The following RABGAP1L variants were observed in gnomAD, a reference collection of about 807,000 sequenced individuals.
RABGAP1L encodes the protein rab GTPase-activating protein 1-like.
RABGAP1L carries 63 observed loss-of-function variants against 137.7 expected under a neutral mutation model. The observed-to-expected ratio is 0.46, with a 90% CI of 0.37 to 0.56. The LOEUF (loss-of-function observed/expected upper bound fraction) is 0.56. Ranked by LOEUF, RABGAP1L falls within the 20% of genes least tolerant of loss-of-function variation. RABGAP1L has a pLI of 0.00. For synonymous variants in RABGAP1L, 431 were observed against 433.7 expected (o/e 0.99, Z 0.08); for missense variants, 1,095 against 1,244.0 (o/e 0.88, Z 1.80).
chr1:174,608,113 G>C (rs572967019), intron 13 of RABGAP1L, among the ~76,000 whole-genome samples: 1 of 152,170 alleles, frequency 6.6e-6, no homozygotes, highest in Non-Finnish European at 1.5e-5. Context: ...GCAGATGTGA[G>C]TGCCCAACAA....
In RABGAP1L at chr1:174,231,171, C is replaced by T; in HGVS notation, c.358C>T (p.Pro120Ser). Residue 120 changes from proline (P) to serine (S), a missense_variant, in exon 4 of 26, where the codon CCA becomes TCA. Transcript: ENST00000681986. ...TEISTPRPSS[P>S]GGLPEEDSVL... is the part of the protein sequence containing the mutation. Reference sequence around the variant, plus strand: ...AATTTCTACACCCAGACCATCTTCTCCAGGTGGACTACCTGAAGAAGATAG... The same window carrying T: ...AATTTCTACACCCAGACCATCTTCTTCAGGTGGACTACCTGAAGAAGATAG... 2 of 1,612,652 alleles carry T rather than the reference C, an allele frequency of 1.2e-6. No homozygotes were observed. Among genetic ancestry groups the T allele is most frequent in the Non-Finnish European group, 1.7e-6 (2 of 1,179,198 alleles).
intron 19 of RABGAP1L, among the ~76,000 whole-genome samples, chr1:174,957,072 A>G (rs1000064940): frequency 2.6e-5 from 4 of 152,250 alleles, no homozygotes; most frequent in African/African-American, 9.6e-5. Context: ...GCACTATTAA[A>G]TACATTAACA....
intron 17 of RABGAP1L, among the ~76,000 whole-genome samples, chr1:174,715,863 T>G (rs1338780852): frequency 6.6e-6 from 1 of 152,198 alleles, no homozygotes; most frequent in Non-Finnish European, 1.5e-5. Flanking sequence ...TTAAATTCCT[T>G]CACCTGATGC....
intron 1 of RABGAP1L, among the ~76,000 whole-genome samples, chr1:174,178,877 A>G (rs1404851833): frequency 1.3e-5 from 2 of 152,160 alleles, no homozygotes; most frequent in Non-Finnish European, 2.9e-5. Context: ...AAAACAGGTA[A>G]TGCATGCAGG....
At chr1:174,421,069 C>A (rs980814007) in intron 13 of RABGAP1L, among the ~76,000 whole-genome samples, 1 of 152,134 alleles carries the variant, frequency 6.6e-6, no homozygotes, top group South Asian at 2.1e-4. Flanking sequence ...GCAAATTTTA[C>A]AAAAGTATAT....
rs1359967258 is a variant in RABGAP1L, at chr1:174,572,102, G to A, written c.1711-65273G>A. On this transcript the variant is annotated intron_variant, in intron 13 of 25. Transcript: ENST00000681986. ...CTGCTAAATCAAACTGAAATGCAGG[G>A]GATTTACATGGACATTTGAGATCGT... Among the ~76,000 whole-genome samples, 71 of 152,128 alleles carry A rather than the reference G, an allele frequency of 4.7e-4. 2 individuals are homozygous for A. The highest frequency in any genetic ancestry group is 4.6e-3 in the Admixed American group (71 of 15,280).
At chr1:174,352,812 T>G (rs1480157505) in intron 11 of RABGAP1L, among the ~76,000 whole-genome samples, 1 of 152,232 alleles carries the variant, frequency 6.6e-6, no homozygotes, top group South Asian at 2.1e-4. Flanking sequence ...CCCCAAGCCA[T>G]GTAATGATCC....
Position 174,975,901 on chromosome 1 carries a change from G to T in RABGAP1L, c.2545-177G>T, listed in dbSNP as rs77863080. 2.8e-4 allele frequency: 162 copies of T among 575,672 alleles called. No homozygotes were observed. The East Asian group carries it at 4.6e-3, about 16-fold the overall frequency. 35.7% of individuals were successfully genotyped at this position (575,672 alleles called of 1,614,324 possible). On this transcript the variant is annotated intron_variant, in intron 21 of 25. Coordinates refer to ENST00000681986, the MANE Select transcript of RABGAP1L (RefSeq NM_001366446.1). Reference sequence around the variant, plus strand: ...AGAAATAATGTGTGCCAACTAGATGGCACATAGTTGGCATTCAGTGAAAGC... The same window carrying T: ...AGAAATAATGTGTGCCAACTAGATGTCACATAGTTGGCATTCAGTGAAAGC...
intron 5 of RABGAP1L, among the ~76,000 whole-genome samples, chr1:174,249,895 G>A (rs1672581662): frequency 6.6e-6 from 1 of 152,084 alleles, no homozygotes; most frequent in South Asian, 2.1e-4. Flanking sequence ...GCCTGCCTTG[G>A]CCTCCCAAAG....
intron 19 of RABGAP1L, among the ~76,000 whole-genome samples, chr1:174,881,323 A>G (rs1339128144): frequency 6.6e-6 from 1 of 152,098 alleles, no homozygotes; most frequent in African/African-American, 2.4e-5. Flanking sequence ...ATTGTTTTAT[A>G]TATCAAACTT....
intron 13 of RABGAP1L, among the ~76,000 whole-genome samples, chr1:174,521,203 A>G (rs1316844213): frequency 6.6e-6 from 1 of 152,228 alleles, no homozygotes; most frequent in Non-Finnish European, 1.5e-5. Flanking sequence ...AAAGAAAAAT[A>G]TTTTGATTGG....
chr1:174,282,951 C>G (rs1675705945), intron 10 of RABGAP1L, among the ~76,000 whole-genome samples: 2 of 152,194 alleles, frequency 1.3e-5, no homozygotes, highest in African/African-American at 4.8e-5. Flanking sequence ...CCATTGAACT[C>G]TATGTGAGTA....
intron 13 of RABGAP1L, among the ~76,000 whole-genome samples, chr1:174,478,658 G>A (rs1299218806): frequency 6.6e-6 from 1 of 152,088 alleles, no homozygotes. Context: ...CATACATGGG[G>A]AAAATGTAAC....
intron 19 of RABGAP1L, among the ~76,000 whole-genome samples, chr1:174,947,632 C>G (rs1319672977): frequency 6.6e-6 from 1 of 151,656 alleles, no homozygotes. Flanking sequence ...GTTGGCCAGG[C>G]TGGTCTCAAA....
At chr1:174,688,562 C>A (rs865890289) in intron 15 of RABGAP1L, among the ~76,000 whole-genome samples, 2 of 151,954 alleles carry the variant, frequency 1.3e-5, no homozygotes, top group Non-Finnish European at 2.9e-5. Flanking sequence ...CCTAGACGTA[C>A]CTTAGTCAAA....
chr1:174,359,044 G>A (rs769334353), intron 11 of RABGAP1L, among the ~76,000 whole-genome samples: 69 of 152,250 alleles, frequency 4.5e-4, no homozygotes, highest in Non-Finnish European at 8.2e-4. Flanking sequence ...TGGAAAAGTA[G>A]GATTTAGCTA....
intron 17 of RABGAP1L, among the ~76,000 whole-genome samples, chr1:174,707,417 G>C (rs1304030407): frequency 6.6e-6 from 1 of 152,174 alleles, no homozygotes. Flanking sequence ...TTTTATGAGA[G>C]AAGTTACTAT....
At chr1:174,610,763 A>G (rs368835183) in intron 13 of RABGAP1L, among the ~76,000 whole-genome samples, 13 of 152,106 alleles carry the variant, frequency 8.5e-5, no homozygotes, top group South Asian at 2.1e-4. Context: ...GGTGTGAGAT[A>G]GTATCTCATT....
At position 174,321,478 on chromosome 1, in the gene RABGAP1L, C is replaced by T. The variant is rs557076568; in HGVS notation, c.1465+16351C>T. Among the ~76,000 whole-genome samples, 136 of 152,212 alleles carry T rather than the reference C, an allele frequency of 8.9e-4. 1 individual carries two copies. In the Middle Eastern group the frequency reaches 0.01, roughly 11 times the overall value. ...AACTGCCGACATGTGATGTCTGCCC[C>T]GGACTCCCAGCTTTTAAATATCTCT... is the stretch of plus-strand genomic sequence containing the variant. On this transcript the variant is annotated intron_variant, in intron 11 of 25. Transcript: ENST00000681986.
Sources: allele counts gnomAD v4.1 joint callset (sites outside exome capture counted in the v4.1 genomes callset), GRCh38; gene constraint gnomAD v4.1.1; transcripts MANE v1.5; gene names NCBI Gene and HGNC (gene_info 2026-07-23, HGNC 2026-07-21).